Variants in PRDM5 observed in about 807,000 individuals in gnomAD.
PRDM5 encodes the protein PR domain zinc finger protein 5.
Under a neutral mutation model 81.2 loss-of-function variants are expected in PRDM5, and 56 were observed. The observed-to-expected ratio is 0.69, with a 90% CI of 0.56 to 0.86. PRDM5 has a LOEUF of 0.86. Ranked by LOEUF, PRDM5 falls within the 40% of genes least tolerant of loss-of-function variation. The probability of loss-of-function intolerance (pLI) is 0.00; values close to 1 mark genes in which losing one functional copy is unlikely to be tolerated. For missense variants in PRDM5, 697 were observed against 770.1 expected, an observed-to-expected ratio of 0.91 and a Z score of 1.12; for synonymous variants, 267 against 256.4, an observed-to-expected ratio of 1.04 and a Z score of -0.39.
At chr4:120,844,547 C>T (rs534622000) in intron 3 of PRDM5, among the ~76,000 whole-genome samples, 2 of 152,128 alleles carry the variant, frequency 1.3e-5, no homozygotes, top group African/African-American at 4.8e-5. Flanking sequence ...AGGGGGCCAC[C>T]ATAAACCATA....
chr4:120,698,279 C>A (rs1734811494), intron 15 of PRDM5, among the ~76,000 whole-genome samples: 1 of 152,142 alleles, frequency 6.6e-6, no homozygotes, highest in African/African-American at 2.4e-5. Context: ...ACTTTTGAGC[C>A]CTCATTTAAC....
chr4:120,780,651 T>A (rs887440857), intron 12 of PRDM5, among the ~76,000 whole-genome samples: 2 of 152,054 alleles, frequency 1.3e-5, no homozygotes, highest in African/African-American at 4.8e-5. Flanking sequence ...GTTAAGCAAG[T>A]ATTTATCGAG....
intron 7 of PRDM5, among the ~76,000 whole-genome samples, chr4:120,814,286 G>A (rs1754214192): frequency 6.6e-6 from 1 of 152,112 alleles, no homozygotes; most frequent in Non-Finnish European, 1.5e-5. Context: ...AACAGCACCT[G>A]CAAAGCCATA....
intron 10 of PRDM5, among the ~76,000 whole-genome samples, chr4:120,792,360 C>T (rs1337853048): frequency 6.6e-6 from 1 of 152,076 alleles, no homozygotes; most frequent in Non-Finnish European, 1.5e-5. Flanking sequence ...GTTCACAACT[C>T]GAGCTCCAAA....
chr4:120,875,097 T>G (rs1188019842), intron 2 of PRDM5, among the ~76,000 whole-genome samples: 1 of 152,210 alleles, frequency 6.6e-6, no homozygotes, highest in Non-Finnish European at 1.5e-5. Context: ...AGGCCTGGCC[T>G]GGCCCTCCCT....
intron 14 of PRDM5, among the ~76,000 whole-genome samples, chr4:120,726,878 A>G (rs1189551553): frequency 6.6e-6 from 1 of 152,238 alleles, no homozygotes; most frequent in Non-Finnish European, 1.5e-5. Flanking sequence ...AGCATTGGCA[A>G]TGGCTCCTAA....
chr4:120,860,929 T>C lies in PRDM5; in HGVS notation c.178-7389A>G, dbSNP rs187007674. 5.5e-4 allele frequency among the ~76,000 whole-genome samples: 84 copies of C among 152,360 alleles called. 1 individual carries two copies. The highest frequency in any genetic ancestry group is 5.4e-3 in the Admixed American group (82 of 15,298). On this transcript the variant is annotated intron_variant, in intron 2 of 15. Transcript: ENST00000264808. ...AAGACTTTAAATCCTGTTAAAGTTT[T>C]ATGAAGCCTTAGCGTTGCCCAATTT...
intron 8 of PRDM5, among the ~76,000 whole-genome samples, chr4:120,804,666 C>T (rs1752647722): frequency 6.6e-6 from 1 of 152,126 alleles, no homozygotes; most frequent in Non-Finnish European, 1.5e-5. Flanking sequence ...AACAAAGACA[C>T]AACATACCAG....
intron 2 of PRDM5, among the ~76,000 whole-genome samples, chr4:120,864,617 T>C (rs1328780427): frequency 6.6e-6 from 1 of 152,182 alleles, no homozygotes; most frequent in Non-Finnish European, 1.5e-5. Context: ...TGGAAAGATA[T>C]TGATATCTCT....
intron 2 of PRDM5, among the ~76,000 whole-genome samples, chr4:120,883,250 T>C (rs968187160): frequency 7.9e-5 from 12 of 152,334 alleles, no homozygotes; most frequent in Middle Eastern, 6.8e-3. Context: ...TAAAGATCAA[T>C]TAATCATCTC....
At position 120,692,712 on chromosome 4, in the gene PRDM5, C is replaced by G. The variant is rs1284842849; in HGVS notation, c.*2399G>C. Reference sequence around the variant, plus strand: ...CTTTATAGGCACCTAAGGGTCTGGTCTTTTCTCAAGAAAATACCCCAGCCA... The same window carrying G: ...CTTTATAGGCACCTAAGGGTCTGGTGTTTTCTCAAGAAAATACCCCAGCCA... On this transcript the variant is annotated 3_prime_UTR_variant, in exon 16 of 16. Transcript: ENST00000264808. 1.3e-5 allele frequency: 2 copies of G among 152,010 alleles called. No homozygotes were observed. Among genetic ancestry groups the G allele is most frequent in the Admixed American group, 1.3e-4 (2 of 15,220 alleles). The allele number at this position is 152,010 out of a possible 1,614,324, so 9.4% of individuals were successfully genotyped here.
At chr4:120,816,723 T>C in intron 6 of PRDM5, 109 bp downstream of exon 6, 2 of 1,519,446 alleles carry the variant, frequency 1.3e-6, no homozygotes, top group Non-Finnish European at 1.8e-6. Flanking sequence ...AAGAAAAGCA[T>C]TTAAATTCTG....
intron 13 of PRDM5, among the ~76,000 whole-genome samples, chr4:120,772,499 T>A (rs1284672548): frequency 6.6e-6 from 1 of 152,170 alleles, no homozygotes; most frequent in Non-Finnish European, 1.5e-5. Context: ...GCAATGCCAA[T>A]GGACATTAAC....
At chr4:120,872,150 C>CAAAAAAAAAAAAA (rs70948365) in intron 2 of PRDM5, among the ~76,000 whole-genome samples, 430 of 41,830 alleles carry the variant, frequency 0.01, 35 homozygotes, top group Middle Eastern at 0.029. Context: ...GACTCCATCT[C>CAAAAAAAAAAAAA]AAAAAAAAAA....
intron 14 of PRDM5, among the ~76,000 whole-genome samples, chr4:120,738,302 T>C (rs1741413529): frequency 6.6e-6 from 1 of 152,182 alleles, no homozygotes; most frequent in African/African-American, 2.4e-5. Context: ...ACTCTACCGT[T>C]GTCATTCAAT....
intron 8 of PRDM5, among the ~76,000 whole-genome samples, chr4:120,802,172 A>T (rs994949565): frequency 6.6e-6 from 1 of 152,214 alleles, no homozygotes; most frequent in Non-Finnish European, 1.5e-5. Context: ...GGGAACATCG[A>T]CTATATATTT....
chr4:120,710,224 CACACACACACACACAT>C lies in PRDM5; in HGVS notation c.1728+69_1728+84del, dbSNP rs936259974. 37 of 1,073,828 alleles carry C rather than the reference CACACACACACACACAT, an allele frequency of 3.4e-5. No individual in the cohort carries two copies. In the African/African-American group the frequency reaches 5.1e-4, roughly 15 times the overall value. 66.5% of individuals were successfully genotyped at this position (1,073,828 alleles called of 1,614,324 possible). On this transcript the variant is annotated intron_variant, in intron 15 of 15. Transcript: ENST00000264808. ...GCAATGCAACACACACACACAGACA[CACACACACACACACAT>C]ACACACACACACACACCCCTACTTT...
chr4:120,772,041 G>C (rs753794985), intron 13 of PRDM5, among the ~76,000 whole-genome samples: 8 of 152,122 alleles, frequency 5.3e-5, no homozygotes, highest in Non-Finnish European at 1.2e-4. Context: ...CTAGCTAGTG[G>C]CAGGGGGCTA....
chr4:120,896,241 C>A (rs1764597790), intron 2 of PRDM5: 1 of 152,068 alleles, frequency 6.6e-6, no homozygotes, highest in Admixed American at 6.6e-5. Flanking sequence ...TATTTTACTT[C>A]TGACATGATC....
Sources: allele counts gnomAD v4.1 joint callset (sites outside exome capture counted in the v4.1 genomes callset), GRCh38; gene constraint gnomAD v4.1.1; transcripts MANE v1.5; gene names NCBI Gene and HGNC (gene_info 2026-07-23, HGNC 2026-07-21).